Variants in C1GALT1 observed in about 807,000 individuals in gnomAD.
C1GALT1 encodes glycoprotein-N-acetylgalactosamine 3-beta-galactosyltransferase 1.
In C1GALT1, 11 loss-of-function variants were observed where a neutral mutation model predicts 31.0. The ratio of observed to expected loss-of-function variants is 0.36; its 90% CI spans 0.22 to 0.59. C1GALT1 has a LOEUF of 0.59. C1GALT1 is among the 20% of genes least tolerant of loss of function. The pLI is 0.79. For synonymous variants in C1GALT1, 175 were observed against 143.6 expected, an observed-to-expected ratio of 1.22 and a Z score of -1.56; for missense variants, 424 against 425.2, an observed-to-expected ratio of 1.00 and a Z score of 0.03.
chr7:7,236,789 G>T (rs921465146), intron 2 of C1GALT1, among the ~76,000 whole-genome samples: 1 of 152,178 alleles, frequency 6.6e-6, no homozygotes, highest in Non-Finnish European at 1.5e-5. Flanking sequence ...CTCCCAAAGT[G>T]CTGGGATTAC....
chr7:7,209,339 T>C (rs1781889170), intron 1 of C1GALT1: 1 of 152,250 alleles, frequency 6.6e-6, no homozygotes, highest in South Asian at 2.1e-4. Context: ...CATTTTAGTA[T>C]TTTTTCCGAA....
intron 1 of C1GALT1, among the ~76,000 whole-genome samples, chr7:7,202,351 A>T (rs1583771707): frequency 6.6e-6 from 1 of 152,134 alleles, no homozygotes; most frequent in East Asian, 1.9e-4. Context: ...GCTCCAAGTT[A>T]GTTATGCGCC....
chr7:7,226,520 C>G (rs1782766466), intron 1 of C1GALT1, among the ~76,000 whole-genome samples: 1 of 151,988 alleles, frequency 6.6e-6, no homozygotes, highest in Non-Finnish European at 1.5e-5. Flanking sequence ...GGCTGAAAAC[C>G]AAGCATAAGA....
In C1GALT1 at chr7:7,247,739, C is replaced by T. The variant is rs1783905475; in HGVS notation, c.*4012C>T. 1.3e-5 allele frequency: 2 copies of T among 151,960 alleles called. No homozygotes were observed. Among genetic ancestry groups the T allele is most frequent in the Admixed American group, 1.3e-4 (2 of 15,258 alleles). 9.4% of individuals were successfully genotyped at this position (151,960 alleles called of 1,614,324 possible). A position where few individuals can be genotyped will look rare whatever the true frequency, so the allele number is the denominator to read the frequency against. On this transcript the variant is annotated 3_prime_UTR_variant, in exon 4 of 4. Transcript: ENST00000436587. The stretch of plus-strand genomic sequence containing the variant: ...GGTGTTTATTGCCCTTCTTTGTTTG[C>T]TTTATTACTAACTTCCATTTTCTAG...
At chr7:7,158,539 G>GT (rs1301309077) in intron 2 of C1GALT1, among the ~76,000 whole-genome samples, 1 of 150,556 alleles carries the variant, frequency 6.6e-6, no homozygotes, top group South Asian at 2.1e-4. Flanking sequence ...CACTTAGTAT[G>GT]TTTTTTCATT....
intron 1 of C1GALT1, among the ~76,000 whole-genome samples, chr7:7,184,486 T>C (rs1027084252): frequency 2.0e-5 from 3 of 152,244 alleles, no homozygotes; most frequent in Non-Finnish European, 4.4e-5. Flanking sequence ...CTTAAAATTG[T>C]ATCACAAATT....
chr7:7,245,605 A>C lies in C1GALT1; in HGVS notation c.*1878A>C, dbSNP rs1783813179. On this transcript the variant is annotated 3_prime_UTR_variant, in exon 4 of 4. Coordinates refer to ENST00000436587, the MANE Select transcript of C1GALT1 (RefSeq NM_020156.5). The stretch of plus-strand genomic sequence containing the variant: ...TGTCCACGTAGTGAAAACATGCACC[A>C]GTTTTTACCTATTATCATGGTAGTA... The C allele has an allele frequency of 6.6e-6, 1 of 152,240 alleles. No homozygotes were observed. Among genetic ancestry groups the C allele is most frequent in the Admixed American group, 6.5e-5 (1 of 15,286 alleles). The allele number at this position is 152,240 out of a possible 1,614,324, so 9.4% of individuals were successfully genotyped here.
chr7:7,161,707 T>A, intron 2 of C1GALT1, among the ~76,000 whole-genome samples: 1 of 152,116 alleles, frequency 6.6e-6, no homozygotes, highest in Admixed American at 6.6e-5. Context: ...AGGATTAAAA[T>A]ACATGTTTTC....
chr7:7,208,901 C>G lies in C1GALT1; in HGVS notation c.-17-25402C>G, dbSNP rs568299797. Among the ~76,000 whole-genome samples, 7 of 152,286 alleles carry G rather than the reference C, an allele frequency of 4.6e-5. No homozygotes were observed. The East Asian group carries it at 1.3e-3, about 29-fold the overall frequency. On this transcript the variant is annotated intron_variant, in intron 1 of 3. Coordinates refer to ENST00000436587, the MANE Select transcript of C1GALT1 (RefSeq NM_020156.5). Reference sequence around the variant, plus strand: ...TTGACTGAAATCAGCCACAGTTTACCTTACTGTCCAGGACTTTTTCTTGAA... The same window carrying G: ...TTGACTGAAATCAGCCACAGTTTACGTTACTGTCCAGGACTTTTTCTTGAA...
At chr7:7,224,824 T>C (rs1005393904) in intron 1 of C1GALT1, among the ~76,000 whole-genome samples, 1 of 152,120 alleles carries the variant, frequency 6.6e-6, no homozygotes, top group African/African-American at 2.4e-5. Context: ...CAGAGGTGAA[T>C]TGTGTGTCAT....
At chr7:7,193,751 G>A (rs974018172) in intron 1 of C1GALT1, among the ~76,000 whole-genome samples, 2 of 151,962 alleles carry the variant, frequency 1.3e-5, no homozygotes, top group Non-Finnish European at 2.9e-5. Flanking sequence ...CATTGAATCC[G>A]TAGATTGCTT....
chr7:7,206,377 T>C (rs6962619), intron 1 of C1GALT1, among the ~76,000 whole-genome samples: 5,921 of 152,144 alleles, frequency 0.039, 264 homozygotes, highest in African/African-American at 0.11. Flanking sequence ...AGCAGGTCTT[T>C]TGGTAATAAA....
chr7:7,238,092 G>T lies in C1GALT1; in HGVS notation c.221-163G>T, dbSNP rs906831258. Among the ~76,000 whole-genome samples the T allele has an allele frequency of 3.3e-5, 5 of 152,170 alleles. No individual in the cohort carries two copies. Among genetic ancestry groups the T allele is most frequent in the African/African-American group, 1.2e-4 (5 of 41,446 alleles). Reference sequence around the variant, plus strand: ...ACTGACATGAAACCAATAAATCAGAGTGTCAGTTCACATTAGGATGAGTTT... The same window carrying T: ...ACTGACATGAAACCAATAAATCAGATTGTCAGTTCACATTAGGATGAGTTT... On this transcript the variant is annotated intron_variant, in intron 2 of 3. Transcript: ENST00000436587. This position sits in a 1 kb window ranked among gnomAD's most constrained non-coding sequence, Gnocchi z 5.2.
intron 2 of C1GALT1, among the ~76,000 whole-genome samples, chr7:7,171,212 A>G (rs1043156615): frequency 2.6e-5 from 4 of 152,110 alleles, no homozygotes; most frequent in Non-Finnish European, 5.9e-5. Context: ...GGAGTCTCCA[A>G]CTATTATTGT....
intron 1 of C1GALT1, among the ~76,000 whole-genome samples, chr7:7,201,713 TG>T (rs1217922147): frequency 2.6e-5 from 4 of 152,220 alleles, no homozygotes; most frequent in Non-Finnish European, 4.4e-5. Flanking sequence ...AGGCAGCTGC[TG>T]AGCAGTATTG....
intron 1 of C1GALT1, among the ~76,000 whole-genome samples, chr7:7,226,778 T>C (rs1782779102): frequency 6.6e-6 from 1 of 152,148 alleles, no homozygotes; most frequent in Non-Finnish European, 1.5e-5. Flanking sequence ...AAAGGACTCT[T>C]GTTGAGCATG....
At chr7:7,172,948 C>G (rs969877341) in intron 2 of C1GALT1, among the ~76,000 whole-genome samples, 1 of 152,214 alleles carries the variant, frequency 6.6e-6, no homozygotes, top group Non-Finnish European at 1.5e-5. Flanking sequence ...TAAAAGTCTC[C>G]TATGCTCCAC....
At chr7:7,207,671 T>A (rs1781810558) in intron 1 of C1GALT1, among the ~76,000 whole-genome samples, 1 of 152,084 alleles carries the variant, frequency 6.6e-6, no homozygotes, top group Non-Finnish European at 1.5e-5. Context: ...GCCATATTTT[T>A]CTGTTTCTTT....
At chr7:7,234,616 T>A (rs997609571) in intron 2 of C1GALT1, 77 bp downstream of exon 2, 1 of 1,019,148 alleles carries the variant, frequency 9.8e-7, no homozygotes, top group Non-Finnish European at 1.5e-6. Flanking sequence ...TCTGTATCTG[T>A]TAATTAAAAT....
Sources: allele counts gnomAD v4.1 joint callset (sites outside exome capture counted in the v4.1 genomes callset), GRCh38; gene constraint gnomAD v4.1.1; non-coding constraint Gnocchi (gnomAD v3.1); transcripts MANE v1.5; gene names NCBI Gene and HGNC (gene_info 2026-07-23, HGNC 2026-07-21).